LINGO2: variants seen among roughly 807,000 people sequenced by gnomAD.
LINGO2 encodes leucine-rich repeat and immunoglobulin-like domain-containing nogo receptor-interacting protein 2.
Under a neutral mutation model 30.6 loss-of-function variants are expected in LINGO2, and 14 were observed. The ratio of observed to expected loss-of-function variants is 0.46; its 90% CI spans 0.30 to 0.72. LINGO2 has a LOEUF of 0.72. LINGO2 is among the 30% of genes least tolerant of loss of function. LINGO2 has a pLI of 0.07. For synonymous variants in LINGO2, 317 were observed against 288.5 expected, an observed-to-expected ratio of 1.10 and a Z score of -1.00; for missense variants, 729 against 751.7, an observed-to-expected ratio of 0.97 and a Z score of 0.35.
intron 4 of LINGO2, among the ~76,000 whole-genome samples, chr9:28,020,850 T>G (rs1356189925): frequency 2.6e-5 from 4 of 152,182 alleles, no homozygotes; most frequent in African/African-American, 4.8e-5. Context: ...TCTTTATCAT[T>G]TAAACCTCCT....
chr9:28,182,011 C>A (rs1220147059), intron 4 of LINGO2, among the ~76,000 whole-genome samples: 2 of 151,816 alleles, frequency 1.3e-5, no homozygotes, highest in East Asian at 3.9e-4. Context: ...GCCAAGACAA[C>A]CCTAAAAAAA....
chr9:28,648,263 G>A (rs1249602766), intron 1 of LINGO2, among the ~76,000 whole-genome samples: 3 of 152,036 alleles, frequency 2.0e-5, no homozygotes, highest in African/African-American at 7.2e-5. Flanking sequence ...TGCTTCTCTA[G>A]TTGCTACAGA....
chr9:29,055,350 G>A, the LINGO2 span, among the ~76,000 whole-genome samples: 1 of 152,112 alleles, frequency 6.6e-6, no homozygotes, highest in South Asian at 2.1e-4. Flanking sequence ...TTGTCCTCAA[G>A]TTTCATCATG....
chr9:28,637,728 C>T (rs1054561663), intron 1 of LINGO2, among the ~76,000 whole-genome samples: 19 of 152,220 alleles, frequency 1.2e-4, no homozygotes, highest in African/African-American at 4.3e-4. Flanking sequence ...TGGGCTGAGA[C>T]AATGGGGTTT....
the LINGO2 span, among the ~76,000 whole-genome samples, chr9:28,905,143 TTTTAA>T: frequency 1.3e-5 from 2 of 151,890 alleles, no homozygotes; most frequent in African/African-American, 4.8e-5. Flanking sequence ...GGAGTAAAGA[TTTTAA>T]TTTAAGATCT....
At chr9:28,715,901 A>G in the LINGO2 span, among the ~76,000 whole-genome samples, 1 of 152,082 alleles carries the variant, frequency 6.6e-6, no homozygotes, top group African/African-American at 2.4e-5. Flanking sequence ...AGGTAAATCC[A>G]GAGGGCTTTT....
the LINGO2 span, among the ~76,000 whole-genome samples, chr9:28,994,878 T>C: frequency 6.6e-6 from 1 of 152,112 alleles, no homozygotes; most frequent in Admixed American, 6.6e-5. Context: ...TCAAGATGGA[T>C]AAAAGACTTA....
the LINGO2 span, among the ~76,000 whole-genome samples, chr9:28,751,759 C>G: frequency 6.6e-6 from 1 of 151,820 alleles, no homozygotes; most frequent in Non-Finnish European, 1.5e-5. Flanking sequence ...TATGGATTCC[C>G]TAACTCAGGT....
At chr9:28,303,818 C>T (rs1282146314) in intron 3 of LINGO2, among the ~76,000 whole-genome samples, 56 of 151,732 alleles carry the variant, frequency 3.7e-4, no homozygotes, top group Admixed American at 3.7e-3. Context: ...CTTGCTGTCT[C>T]TGGGGTGGCA....
At chr9:28,645,578 C>T (rs542330882) in intron 1 of LINGO2, among the ~76,000 whole-genome samples, 2 of 152,108 alleles carry the variant, frequency 1.3e-5, no homozygotes, top group South Asian at 4.2e-4. Flanking sequence ...AGAATATGCT[C>T]AGAGACCAAA....
chr9:28,942,428 A>T, the LINGO2 span, among the ~76,000 whole-genome samples: 1 of 152,302 alleles, frequency 6.6e-6, no homozygotes, highest in East Asian at 1.9e-4. Context: ...TATAGAAATC[A>T]CCAAAAACCA....
chr9:29,115,122 C>A, the LINGO2 span, among the ~76,000 whole-genome samples: 36,537 of 151,806 alleles, frequency 0.24, 4,535 homozygotes, highest in East Asian at 0.41. Context: ...CAATGGAGCA[C>A]AAATTGCTAA....
the LINGO2 span, among the ~76,000 whole-genome samples, chr9:28,803,458 A>G: frequency 6.6e-6 from 1 of 151,866 alleles, no homozygotes; most frequent in African/African-American, 2.4e-5. Context: ...ATTGAGGATG[A>G]TAATTCTGAA....
At chr9:28,561,738 TGTGTG>T (rs1823081759) in intron 1 of LINGO2, among the ~76,000 whole-genome samples, 1 of 40,696 alleles carries the variant, frequency 2.5e-5, no homozygotes, top group African/African-American at 1.2e-4. Context: ...TATAATTTTG[TGTGTG>T]TGTGTGTATA....
intron 4 of LINGO2, among the ~76,000 whole-genome samples, chr9:28,118,589 T>C (rs1217483271): frequency 6.6e-6 from 1 of 152,134 alleles, no homozygotes; most frequent in East Asian, 1.9e-4. Flanking sequence ...GATAGTTCAG[T>C]GTGATTTTTG....
chr9:28,104,005 A>G (rs1490368268), intron 4 of LINGO2, among the ~76,000 whole-genome samples: 1 of 152,056 alleles, frequency 6.6e-6, no homozygotes, highest in Non-Finnish European at 1.5e-5. Flanking sequence ...TTTAATAGCT[A>G]CCCACTGTAA....
chr9:28,126,030 G>C (rs1231701755), intron 4 of LINGO2, among the ~76,000 whole-genome samples: 1 of 152,032 alleles, frequency 6.6e-6, no homozygotes, highest in South Asian at 2.1e-4. Context: ...TTTAAATAAA[G>C]GGCCTTAAAT....
At chr9:28,022,601 T>A (rs1823185539) in intron 4 of LINGO2, among the ~76,000 whole-genome samples, 1 of 152,088 alleles carries the variant, frequency 6.6e-6, no homozygotes, top group Non-Finnish European at 1.5e-5. Flanking sequence ...TTCAACAGTT[T>A]AAATATTTTT....
intron 4 of LINGO2, among the ~76,000 whole-genome samples, chr9:28,288,770 G>T (rs2134158875): frequency 6.6e-6 from 1 of 152,292 alleles, no homozygotes; most frequent in Non-Finnish European, 1.5e-5. Context: ...TATTTCAGAA[G>T]ATCTAAGAAT....
Sources: allele counts gnomAD v4.1 joint callset (sites outside exome capture counted in the v4.1 genomes callset), GRCh38; gene constraint gnomAD v4.1.1; transcripts MANE v1.5; gene names NCBI Gene and HGNC (gene_info 2026-07-23, HGNC 2026-07-21).